Variants in TTBK2 observed in about 807,000 individuals in gnomAD.
TTBK2 encodes the protein tau tubulin kinase 2, also known as tau-tubulin kinase 2.
A neutral mutation model predicts 110.8 loss-of-function variants in TTBK2; 28 were observed. The observed-to-expected ratio is 0.25, with a 90% CI of 0.19 to 0.35. The LOEUF (loss-of-function observed/expected upper bound fraction) is 0.35. TTBK2 is among the 10% of genes least tolerant of loss of function. The pLI is 1.00. For synonymous variants in TTBK2, 532 were observed against 527.3 expected, an observed-to-expected ratio of 1.01 and a Z score of -0.12; for missense variants, 1,369 against 1,500.3, an observed-to-expected ratio of 0.91 and a Z score of 1.45.
At chr15:42,748,960 T>C (rs1227614643) in intron 14 of TTBK2, among the ~76,000 whole-genome samples, 1 of 152,220 alleles carries the variant, frequency 6.6e-6, no homozygotes, top group African/African-American at 2.4e-5. Context: ...GGTCCATTTA[T>C]CAAATCATGG....
intron 3 of TTBK2, among the ~76,000 whole-genome samples, chr15:42,851,136 T>C (rs1196349458): frequency 6.6e-6 from 1 of 150,786 alleles, no homozygotes; most frequent in Non-Finnish European, 1.5e-5. Context: ...TAGTCCCAGC[T>C]ACTTGGGAGG....
intron 6 of TTBK2, among the ~76,000 whole-genome samples, chr15:42,818,815 T>C (rs1456493665): frequency 2.8e-5 from 4 of 144,614 alleles, no homozygotes; most frequent in Admixed American, 1.3e-4. Context: ...TGAAACGGAG[T>C]CTCGCTCTGT....
At chr15:42,819,618 A>G (rs1892202674) in intron 6 of TTBK2, among the ~76,000 whole-genome samples, 2 of 152,200 alleles carry the variant, frequency 1.3e-5, no homozygotes, top group Non-Finnish European at 2.9e-5. Context: ...TTATTTTCTT[A>G]GCTGTCATTC....
chr15:42,878,497 A>ACG, intron 2 of TTBK2, 52 bp downstream of exon 2: 1 of 1,523,838 alleles, frequency 6.6e-7, no homozygotes, highest in Non-Finnish European at 8.9e-7. Flanking sequence ...ATGTATACAC[A>ACG]CACACACACA....
intron 3 of TTBK2, among the ~76,000 whole-genome samples, chr15:42,862,679 G>C (rs528952955): frequency 3.3e-5 from 5 of 151,920 alleles, no homozygotes; most frequent in Admixed American, 3.3e-4. Flanking sequence ...ACCTGAAGTC[G>C]GGAGTTCCAG....
rs1447929763 is a variant in TTBK2 at position 42,744,243 on chromosome 15, C to T, written c.*1552G>A. The T allele has an allele frequency of 1.3e-5, 2 of 152,064 alleles. No homozygotes were observed. The highest frequency in any genetic ancestry group is 2.9e-5 in the Non-Finnish European group (2 of 68,006). 9.4% of individuals were successfully genotyped at this position (152,064 alleles called of 1,614,324 possible). On this transcript the variant is annotated 3_prime_UTR_variant, in exon 15 of 15. Coordinates refer to ENST00000267890, the MANE Select transcript of TTBK2 (RefSeq NM_173500.4). ...GTTTGTTTTTTTAAAAAGCTCAACA[C>T]AGATAAAGAGAACAAGAGAAGTTCA... is the stretch of plus-strand genomic sequence containing the variant.
At chr15:42,815,647 G>A (rs1440786658) in intron 7 of TTBK2, among the ~76,000 whole-genome samples, 1 of 151,314 alleles carries the variant, frequency 6.6e-6, no homozygotes, top group African/African-American at 2.4e-5. Flanking sequence ...AGAGGAAAGG[G>A]ATAATTTACT....
chr15:42,783,384 G>T, intron 11 of TTBK2, 35 bp downstream of exon 11: 2 of 1,599,980 alleles, frequency 1.3e-6, no homozygotes, highest in Non-Finnish European at 1.7e-6. Context: ...TGAACTGTAA[G>T]AAATAAATTT....
intron 1 of TTBK2, among the ~76,000 whole-genome samples, chr15:42,906,133 A>G (rs1228533635): frequency 6.6e-6 from 1 of 152,116 alleles, no homozygotes; most frequent in Non-Finnish European, 1.5e-5. Context: ...GGTTGTGGTG[A>G]GCCAGGATCA....
intron 1 of TTBK2, among the ~76,000 whole-genome samples, chr15:42,892,150 C>CAAGCTAGTATATTCTAGCTTAATGTTATT (rs1270324966): frequency 6.6e-6 from 1 of 152,162 alleles, no homozygotes; most frequent in Non-Finnish European, 1.5e-5. Context: ...TCTCTGATAA[C>CAAGCTAGTATATTCTAGCTTAATGTTATT]AAGCTAGTAT....
At position 42,746,157 on chromosome 15, in the gene TTBK2, T is replaced by A; in HGVS notation, c.3373A>T (p.Thr1125Ser). 6.2e-7 allele frequency: 1 copy of A among 1,614,172 alleles called. No homozygotes were observed. Among genetic ancestry groups the A allele is most frequent in the Non-Finnish European group, 8.5e-7 (1 of 1,180,028 alleles). The change falls in exon 15 of 15, where the codon ACT becomes TCT. Residue 1125 changes from threonine to serine, a missense_variant. Coordinates refer to ENST00000267890, the MANE Select transcript of TTBK2 (RefSeq NM_173500.4). The stretch of plus-strand genomic sequence containing the variant: ...GATCCTGGACTCTTGCACTGAGTAG[T>A]GCTCCGGGGTTTCTGAGATCCATTT... ...LQNGSQKPRSTTQCKSPGSPH... is the reference protein window; with the variant it reads ...LQNGSQKPRSSTQCKSPGSPH...
Position 42,916,145 on chromosome 15 carries a change from C to T in TTBK2, c.-68+4293G>A, listed in dbSNP as rs541077936. ...TTGGATATGTTGAATTTTTTAAGTG[C>T]TAGGGAAGTCCAGCAGAAATGAAGT... is the stretch of plus-strand genomic sequence containing the variant. On this transcript the variant is annotated intron_variant, in intron 1 of 14. Coordinates refer to ENST00000267890, the MANE Select transcript of TTBK2 (RefSeq NM_173500.4). 4.3e-4 allele frequency among the ~76,000 whole-genome samples: 66 copies of T among 152,154 alleles called. No individual in the cohort carries two copies. The South Asian group carries it at 0.013, about 31-fold the overall frequency.
rs1175945189 is a variant in TTBK2, at chr15:42,752,261, G to A, written c.2985C>T (p.Leu995=). Residue 995 remains leucine, a synonymous_variant, in exon 14 of 15, where the codon CTC becomes CTT. Transcript: ENST00000267890. ...CTAGCAATTTATCAGAGGCACTTGAGAGGTCGCCAAGGAAGGACTTGAATT... is the reference window on the plus strand; with the variant it reads ...CTAGCAATTTATCAGAGGCACTTGAAAGGTCGCCAAGGAAGGACTTGAATT... ...KRQFKSFLGD[L]SSASDKLLEE... The A allele has an allele frequency of 2.5e-6, 4 of 1,614,218 alleles. No individual in the cohort carries two copies.
At chr15:42,861,111 A>G (rs1894139383) in intron 3 of TTBK2, among the ~76,000 whole-genome samples, 1 of 152,230 alleles carries the variant, frequency 6.6e-6, no homozygotes, top group Non-Finnish European at 1.5e-5. Flanking sequence ...TTCATAAAAC[A>G]AGTTCTTCTT....
At chr15:42,892,285 G>A (rs1256039807) in intron 1 of TTBK2, among the ~76,000 whole-genome samples, 1 of 152,126 alleles carries the variant, frequency 6.6e-6, no homozygotes, top group African/African-American at 2.4e-5. Context: ...ACACTTTATT[G>A]GAACTAAGCC....
chr15:42,801,542 G>A lies in TTBK2; in HGVS notation c.823-6741C>T, dbSNP rs534707286. On this transcript the variant is annotated intron_variant, in intron 9 of 14. Coordinates refer to ENST00000267890, the MANE Select transcript of TTBK2 (RefSeq NM_173500.4). The stretch of plus-strand genomic sequence containing the variant: ...GTCATCCCCATGCTTCTGACCCAGC[G>A]TCTGCAGCTCCTTATACTTGATCTA... 6.3e-4 allele frequency: 483 copies of A among 766,634 alleles called. 1 individual carries two copies. In the African/African-American group the frequency reaches 7.4e-3, roughly 12 times the overall value. 47.5% of individuals were successfully genotyped at this position (766,634 alleles called of 1,614,324 possible).
At chr15:42,892,042 C>G (rs1895477854) in intron 1 of TTBK2, among the ~76,000 whole-genome samples, 1 of 152,188 alleles carries the variant, frequency 6.6e-6, no homozygotes, top group Non-Finnish European at 1.5e-5. Context: ...AATACACATT[C>G]AAACTCACAA....
At chr15:42,795,286 T>A (rs2140871763) in intron 9 of TTBK2, among the ~76,000 whole-genome samples, 1 of 151,898 alleles carries the variant, frequency 6.6e-6, no homozygotes, top group South Asian at 2.1e-4. Context: ...GTTTAAAAAA[T>A]TCTTAAAATA....
At position 42,744,395 on chromosome 15, in the gene TTBK2, A is replaced by G. The variant is rs1008579524; in HGVS notation, c.*1400T>C. On this transcript the variant is annotated 3_prime_UTR_variant, in exon 15 of 15. Coordinates refer to ENST00000267890, the MANE Select transcript of TTBK2 (RefSeq NM_173500.4). ...GGTTTGGCAGCAAACACAAGGTCAA[A>G]CAGAAAGCACATATGTTTGCTAGAA... 6.6e-6 allele frequency: 1 copy of G among 152,408 alleles called. No individual in the cohort carries two copies. Among genetic ancestry groups the G allele is most frequent in the African/African-American group, 2.4e-5 (1 of 41,438 alleles). 9.4% of individuals were successfully genotyped at this position (152,408 alleles called of 1,614,324 possible).
Sources: allele counts gnomAD v4.1 joint callset (sites outside exome capture counted in the v4.1 genomes callset), GRCh38; gene constraint gnomAD v4.1.1; transcripts MANE v1.5; gene names NCBI Gene and HGNC (gene_info 2026-07-23, HGNC 2026-07-21).